The following ZC3H3 variants were observed in gnomAD, a reference collection of about 807,000 sequenced individuals.
The protein encoded by ZC3H3 is zinc finger CCCH-type containing 3, also known as zinc finger CCCH domain-containing protein 3.
ZC3H3 carries 36 observed loss-of-function variants against 77.3 expected under a neutral mutation model. That is an observed-to-expected ratio of 0.47 (90% CI 0.36 to 0.61). The LOEUF (loss-of-function observed/expected upper bound fraction) is 0.61. ZC3H3 is among the 20% of genes least tolerant of loss of function. The pLI is 0.00. For missense variants in ZC3H3, 1,331 were observed against 1,312.2 expected, an observed-to-expected ratio of 1.01 and a Z score of -0.22; for synonymous variants, 626 against 555.2, an observed-to-expected ratio of 1.13 and a Z score of -1.79.
At chr8:143,535,668 C>T (rs552517466) in intron 3 of ZC3H3, among the ~76,000 whole-genome samples, 23 of 152,384 alleles carry the variant, frequency 1.5e-4, no homozygotes, top group Middle Eastern at 3.4e-3. Context: ...AAAGGGGCTA[C>T]GCCCCACAAT....
At chr8:143,504,144 C>T (rs1821616474) in intron 4 of ZC3H3, among the ~76,000 whole-genome samples, 1 of 152,206 alleles carries the variant, frequency 6.6e-6, no homozygotes, top group South Asian at 2.1e-4. Flanking sequence ...CACCCTGAGC[C>T]CTCCCCAGTG....
chr8:143,511,535 A>ACCTT (rs1398887364), intron 3 of ZC3H3, among the ~76,000 whole-genome samples: 5 of 152,250 alleles, frequency 3.3e-5, no homozygotes, highest in Non-Finnish European at 7.3e-5. Flanking sequence ...AGGCTGCTCC[A>ACCTT]CCACTTCACT....
chr8:143,489,679 T>A (rs381452), intron 4 of ZC3H3, among the ~76,000 whole-genome samples: 1 of 152,242 alleles, frequency 6.6e-6, no homozygotes, highest in Non-Finnish European at 1.5e-5. Flanking sequence ...CTCCTGCTAC[T>A]ATTAATGTAG....
intron 9 of ZC3H3, among the ~76,000 whole-genome samples, chr8:143,450,922 G>T (rs1222102020): frequency 1.3e-4 from 20 of 152,168 alleles, no homozygotes; most frequent in Admixed American, 9.8e-4. Context: ...GGCTGAGGGT[G>T]TATGGGAACT....
intron 3 of ZC3H3, among the ~76,000 whole-genome samples, chr8:143,525,848 C>T (rs113959366): frequency 0.14 from 21,562 of 152,286 alleles, 2,053 homozygotes; most frequent in East Asian, 0.46. Flanking sequence ...GCCATGGAGG[C>T]GGGCAGTGCC....
Position 143,439,660 on chromosome 8 carries a change from C to T in ZC3H3, c.2815+381G>A, listed in dbSNP as rs376448585. Among the ~76,000 whole-genome samples the T allele has an allele frequency of 1.8e-4, 28 of 152,342 alleles. No homozygotes were observed. The East Asian group carries it at 4.4e-3, about 24-fold the overall frequency. On this transcript the variant is annotated intron_variant, in intron 11 of 11. Coordinates refer to ENST00000262577, the MANE Select transcript of ZC3H3 (RefSeq NM_015117.3). ...CCCTCAGCTGGGGCAGACTGCGCAG[C>T]GGCCACCGCTACACTCGCACCTTGG...
chr8:143,521,754 G>GC (rs1384003574), intron 3 of ZC3H3, among the ~76,000 whole-genome samples: 5 of 152,188 alleles, frequency 3.3e-5, no homozygotes, highest in Admixed American at 3.3e-4. Context: ...AGAGTCTGGG[G>GC]CCCCCAGAAG....
intron 5 of ZC3H3, among the ~76,000 whole-genome samples, chr8:143,473,163 G>A (rs1283806016): frequency 6.6e-6 from 1 of 152,174 alleles, no homozygotes; most frequent in Non-Finnish European, 1.5e-5. Context: ...TTCTGAATGT[G>A]GGTGCAGTGG....
intron 4 of ZC3H3, among the ~76,000 whole-genome samples, chr8:143,495,657 T>C (rs747006986): frequency 4.6e-5 from 7 of 152,236 alleles, no homozygotes; most frequent in South Asian, 2.1e-4. Flanking sequence ...TCAGGGCTCA[T>C]TGTAACCTCG....
chr8:143,472,950 G>A (rs1820616934), intron 5 of ZC3H3, among the ~76,000 whole-genome samples: 1 of 152,206 alleles, frequency 6.6e-6, no homozygotes, highest in Admixed American at 6.5e-5. Flanking sequence ...GCTCTGGAAA[G>A]GGCAGTAGGC....
At chr8:143,466,159 G>A (rs139279704) in intron 8 of ZC3H3, among the ~76,000 whole-genome samples, 218 of 152,304 alleles carry the variant, frequency 1.4e-3, no homozygotes, top group Middle Eastern at 6.8e-3. Context: ...CCTGCCCACC[G>A]TCCAGGGCAA....
chr8:143,474,934 G>T (rs978901515), intron 5 of ZC3H3, among the ~76,000 whole-genome samples: 2 of 152,222 alleles, frequency 1.3e-5, no homozygotes, highest in African/African-American at 4.8e-5. Context: ...CCAGGTGTGC[G>T]CTCGCCCGGG....
chr8:143,477,415 C>T (rs1387126037), intron 4 of ZC3H3, among the ~76,000 whole-genome samples: 3 of 152,202 alleles, frequency 2.0e-5, no homozygotes, highest in Non-Finnish European at 2.9e-5. Flanking sequence ...GCTCCCCAAC[C>T]CCCAGCCGGG....
intron 8 of ZC3H3, among the ~76,000 whole-genome samples, chr8:143,466,899 G>T (rs1394923899): frequency 6.6e-6 from 1 of 152,208 alleles, no homozygotes; most frequent in Non-Finnish European, 1.5e-5. Flanking sequence ...GATCTGGGCA[G>T]ACCCAGAGGC....
rs928721197 is a variant in ZC3H3 at position 143,437,790 on chromosome 8, G to A, written c.*266C>T. The A allele has an allele frequency of 4.6e-5, 24 of 526,450 alleles. No individual in the cohort carries two copies. Among genetic ancestry groups the A allele is most frequent in the Middle Eastern group, 5.2e-4 (1 of 1,906 alleles). The allele number at this position is 526,450 out of a possible 1,614,324, so 32.6% of individuals were successfully genotyped here. ...AGGGCCACTGTTGCCAATGGCAGTC[G>A]GGGACAGGCCTGGAGGCCAGCCCTG... On this transcript the variant is annotated 3_prime_UTR_variant, in exon 12 of 12. Transcript: ENST00000262577.
intron 9 of ZC3H3, among the ~76,000 whole-genome samples, chr8:143,451,309 G>A (rs539685672): frequency 6.6e-6 from 1 of 152,264 alleles, no homozygotes; most frequent in Admixed American, 6.5e-5. Flanking sequence ...AAAACCAAAA[G>A]CTGGTTGTCT....
intron 3 of ZC3H3, among the ~76,000 whole-genome samples, chr8:143,508,648 C>G (rs1175193702): frequency 1.3e-5 from 2 of 152,170 alleles, no homozygotes; most frequent in African/African-American, 2.4e-5. Context: ...GCTAACTCAG[C>G]AGTGGGCACA....
At position 143,460,965 on chromosome 8, in the gene ZC3H3, G is replaced by C. The variant is rs954439204; in HGVS notation, c.2307+4752C>G. Among the ~76,000 whole-genome samples, 10 of 152,168 alleles carry C rather than the reference G, an allele frequency of 6.6e-5. No homozygotes were observed. Among genetic ancestry groups the C allele is most frequent in the Non-Finnish European group, 1.2e-4 (8 of 68,034 alleles). ...AACTAGGGTTTGGGAAGCGGGGAGT[G>C]GAGAGTCATTGCTGAATACTCAGTG... is the stretch of plus-strand genomic sequence containing the variant. On this transcript the variant is annotated intron_variant, in intron 9 of 11. Coordinates refer to ENST00000262577, the MANE Select transcript of ZC3H3 (RefSeq NM_015117.3). The surrounding 1 kb of genome is among the most constrained non-coding windows in gnomAD (Gnocchi z 4.0).
rs775898497 is a variant in ZC3H3, at chr8:143,538,715, T to G, written c.652A>C (p.Thr218Pro). 6 of 1,609,202 alleles carry G rather than the reference T, an allele frequency of 3.7e-6. No individual in the cohort carries two copies. The South Asian group carries it at 4.4e-5, about 12-fold the overall frequency. ...VGDSPREPRR[T>P]VSESVIAVKA... ...ACGGCAATCACACTCTCACTGACTG[T>G]CCGGCGGGGCTCCCGGGGGCTGTCG... is the stretch of plus-strand genomic sequence containing the variant. Residue 218 changes from threonine to proline, a missense_variant, in exon 2 of 12, where the codon ACA becomes CCA. By Grantham distance (38) the Thr-to-Pro change is conservative (BLOSUM62 -1). This residue lies in a region of ZC3H3 where 978 missense variants were observed against 915.5 expected (regional missense o/e 1.07). Coordinates refer to ENST00000262577, the MANE Select transcript of ZC3H3 (RefSeq NM_015117.3).
Sources: gnomAD v4.1 joint callset for allele counts (sites outside exome capture counted in the v4.1 genomes callset) on GRCh38, gnomAD v4.1.1 for gene constraint, gnomAD v4.1.1 regional missense constraint, Gnocchi (gnomAD v3.1) non-coding constraint, MANE v1.5 for transcripts, NCBI Gene and HGNC (gene_info 2026-07-23, HGNC 2026-07-21) for gene names.